DCBLD1: variants seen among roughly 807,000 people sequenced by gnomAD.
The protein encoded by DCBLD1 is discoidin, CUB and LCCL domain-containing protein 1.
DCBLD1 carries 57 observed loss-of-function variants against 71.5 expected under a neutral mutation model. The ratio of observed to expected loss-of-function variants is 0.80; its 90% CI spans 0.64 to 0.99. The LOEUF (loss-of-function observed/expected upper bound fraction) is 0.99. Ranked by LOEUF, DCBLD1 falls within the 50% of genes least tolerant of loss-of-function variation. The pLI is 0.00. For missense variants in DCBLD1, 891 were observed against 923.5 expected (o/e 0.96, Z 0.46); for synonymous variants, 380 against 363.8 (o/e 1.04, Z -0.51).
intron 14 of DCBLD1, among the ~76,000 whole-genome samples, chr6:117,556,306 G>C (rs919506868): frequency 1.1e-4 from 16 of 152,118 alleles, no homozygotes; most frequent in Admixed American, 9.8e-4. Flanking sequence ...GGCTTTTAGT[G>C]TAACCATCAC....
chr6:117,565,669 G>A (rs545785193), intron 14 of DCBLD1, among the ~76,000 whole-genome samples: 3 of 152,282 alleles, frequency 2.0e-5, no homozygotes, highest in Non-Finnish European at 2.9e-5. Flanking sequence ...TCAAGCTCAT[G>A]GTGATCAACG....
In DCBLD1 at chr6:117,482,825, C is replaced by T; in HGVS notation, c.44C>T (p.Ala15Val). Residue 15 changes from alanine to valine, a missense_variant, in exon 1 of 15, where the codon GCC (alanine) becomes GTC (valine). By Grantham distance (64) the Ala-to-Val change is moderately conservative (BLOSUM62 0). Coordinates refer to ENST00000338728, the MANE Select transcript of DCBLD1 (RefSeq NM_001366458.2). ...ARGGGALARA[A>V]GRGLLALLLA... ...GGCGGCGGCGCACTGGCGCGGGCTGCCGGGCGGGGCCTCCTGGCTTTGCTG... is the reference window on the plus strand; with the variant it reads ...GGCGGCGGCGCACTGGCGCGGGCTGTCGGGCGGGGCCTCCTGGCTTTGCTG... 2.6e-6 allele frequency: 3 copies of T among 1,165,994 alleles called. No individual in the cohort carries two copies. Among genetic ancestry groups the T allele is most frequent in the Non-Finnish European group, 3.2e-6 (3 of 946,702 alleles). 72.2% of individuals were successfully genotyped at this position (1,165,994 alleles called of 1,614,324 possible).
In DCBLD1 at chr6:117,521,239, G is replaced by A. The variant is rs114439184; in HGVS notation, c.461-286G>A. 5.9e-3 allele frequency among the ~76,000 whole-genome samples: 895 copies of A among 152,306 alleles called. 7 individuals carry two copies. Among genetic ancestry groups the A allele is most frequent in the African/African-American group, 0.02 (826 of 41,574 alleles). On this transcript the variant is annotated intron_variant, in intron 3 of 14. Transcript: ENST00000338728. ...GGTCTTCATAGGCATATAGTGGATAGCAACTAAAGAGTATTGTTTTTTTCT... is the reference window on the plus strand; with the variant it reads ...GGTCTTCATAGGCATATAGTGGATAACAACTAAAGAGTATTGTTTTTTTCT...
intron 2 of DCBLD1, among the ~76,000 whole-genome samples, chr6:117,512,519 A>C (rs775322277): frequency 6.6e-6 from 1 of 152,222 alleles, no homozygotes; most frequent in Non-Finnish European, 1.5e-5. Flanking sequence ...CATCAAAAAC[A>C]AATTGAAAAT....
intron 11 of DCBLD1, among the ~76,000 whole-genome samples, chr6:117,541,704 T>C (rs1157909633): frequency 3.3e-5 from 5 of 152,224 alleles, no homozygotes; most frequent in Admixed American, 3.3e-4. Context: ...CAAAAATTAG[T>C]CATAAATCAG....
intron 1 of DCBLD1, among the ~76,000 whole-genome samples, chr6:117,501,946 G>T (rs1372427234): frequency 2.0e-5 from 3 of 152,072 alleles, no homozygotes; most frequent in Non-Finnish European, 4.4e-5. Context: ...ACTGAACAAG[G>T]CCTTGGTGTT....
chr6:117,499,416 G>GA (rs140943608), intron 1 of DCBLD1, among the ~76,000 whole-genome samples: 5,680 of 133,128 alleles, frequency 0.043, 195 homozygotes, highest in African/African-American at 0.11. Context: ...AAAAGAAAAA[G>GA]AAAAAAAAAA....
At chr6:117,506,677 G>A (rs1259428616) in intron 2 of DCBLD1, among the ~76,000 whole-genome samples, 1 of 152,240 alleles carries the variant, frequency 6.6e-6, no homozygotes, top group Non-Finnish European at 1.5e-5. Context: ...GGACATTCCT[G>A]TGCAGCTGTT....
chr6:117,498,897 T>C (rs1562432674), intron 1 of DCBLD1, among the ~76,000 whole-genome samples: 1 of 152,140 alleles, frequency 6.6e-6, no homozygotes, highest in Non-Finnish European at 1.5e-5. Flanking sequence ...ATTTAATATC[T>C]CAATTATCTA....
At chr6:117,539,159 T>C in intron 8 of DCBLD1, 96 bp from the exon 9 acceptor site, 1 of 1,176,518 alleles carries the variant, frequency 8.5e-7, no homozygotes, top group Non-Finnish European at 1.2e-6. Flanking sequence ...ATCTGAGGTT[T>C]CAAATGAGGG....
intron 14 of DCBLD1, among the ~76,000 whole-genome samples, chr6:117,555,180 A>C (rs578117958): frequency 6.6e-6 from 1 of 152,336 alleles, no homozygotes; most frequent in Admixed American, 6.5e-5. Context: ...TTGGTAAATT[A>C]CATTTTCCTA....
chr6:117,542,563 A>G (rs902136058), intron 11 of DCBLD1, among the ~76,000 whole-genome samples: 2 of 152,116 alleles, frequency 1.3e-5, no homozygotes, highest in Non-Finnish European at 2.9e-5. Context: ...GCAGGAAAAC[A>G]TGATGTGGTG....
chr6:117,542,800 G>A (rs1439618867), intron 11 of DCBLD1, among the ~76,000 whole-genome samples: 2 of 152,052 alleles, frequency 1.3e-5, no homozygotes, highest in Admixed American at 1.3e-4. Context: ...CTGAGGGGTG[G>A]GGGAGGGGTT....
At chr6:117,556,845 T>C (rs1449302252) in intron 14 of DCBLD1, among the ~76,000 whole-genome samples, 4 of 152,206 alleles carry the variant, frequency 2.6e-5, no homozygotes, top group African/African-American at 9.6e-5. Flanking sequence ...CCACCAACGG[T>C]GTAAGTGCTC....
At chr6:117,507,552 CT>C (rs1777882454) in intron 2 of DCBLD1, among the ~76,000 whole-genome samples, 1 of 152,152 alleles carries the variant, frequency 6.6e-6, no homozygotes, top group South Asian at 2.1e-4. Context: ...AAGTATCATA[CT>C]TTTCTTAGTA....
At chr6:117,524,794 ATTTC>A (rs1480932903) in intron 4 of DCBLD1, among the ~76,000 whole-genome samples, 1 of 152,094 alleles carries the variant, frequency 6.6e-6, no homozygotes, top group Non-Finnish European at 1.5e-5. Context: ...AATTTTGCAT[ATTTC>A]TTTTTACTTT....
At chr6:117,519,564 C>G (rs1012694244) in intron 2 of DCBLD1, among the ~76,000 whole-genome samples, 1 of 152,202 alleles carries the variant, frequency 6.6e-6, no homozygotes, top group Admixed American at 6.5e-5. Flanking sequence ...AAACCTATCT[C>G]TTGGGTTGCT....
At chr6:117,555,213 T>C (rs1425082471) in intron 14 of DCBLD1, among the ~76,000 whole-genome samples, 1 of 152,276 alleles carries the variant, frequency 6.6e-6, no homozygotes, top group African/African-American at 2.4e-5. Flanking sequence ...AATTTATTCC[T>C]ATAGAATTGA....
intron 2 of DCBLD1, among the ~76,000 whole-genome samples, chr6:117,513,314 A>G (rs574512577): frequency 6.6e-6 from 1 of 152,288 alleles, no homozygotes; most frequent in South Asian, 2.1e-4. Flanking sequence ...GAACTGACCT[A>G]CTGTGCTCAA....
Sources: allele counts gnomAD v4.1 joint callset (sites outside exome capture counted in the v4.1 genomes callset), GRCh38; gene constraint gnomAD v4.1.1; transcripts MANE v1.5; gene names NCBI Gene and HGNC (gene_info 2026-07-23, HGNC 2026-07-21).